The following UBR2 variants were observed in gnomAD, a reference collection of about 807,000 sequenced individuals.
UBR2 encodes E3 ubiquitin-protein ligase UBR2.
Under a neutral mutation model 247.9 loss-of-function variants are expected in UBR2, and 92 were observed. The observed-to-expected ratio is 0.37, with a 90% CI of 0.31 to 0.44. UBR2 has a LOEUF of 0.44. Ranked by LOEUF, UBR2 falls within the 20% of genes least tolerant of loss-of-function variation. The probability of loss-of-function intolerance (pLI) is 1.00; values close to 1 mark genes in which losing one functional copy is unlikely to be tolerated. For synonymous variants in UBR2, 672 were observed against 693.5 expected, an observed-to-expected ratio of 0.97 and a Z score of 0.49; for missense variants, 1,613 against 2,112.6, an observed-to-expected ratio of 0.76 and a Z score of 4.64.
chr6:42,661,911 C>T (rs1797836823), intron 30 of UBR2, among the ~76,000 whole-genome samples: 1 of 152,132 alleles, frequency 6.6e-6, no homozygotes, highest in Non-Finnish European at 1.5e-5. Context: ...GTGAAATGTT[C>T]AAAAGATTGG....
rs1799800000 is a variant in UBR2, at chr6:42,692,533, A to C, written c.*1360A>C. The stretch of plus-strand genomic sequence containing the variant: ...CAGAGAGTGACTGAAGACTTAGTAG[A>C]GGAATAAATTCTGAGCCTGTCTAAG... On this transcript the variant is annotated 3_prime_UTR_variant, in exon 47 of 47. Coordinates refer to ENST00000372901, the MANE Select transcript of UBR2 (RefSeq NM_001363705.2). 6.6e-6 allele frequency: 1 copy of C among 152,246 alleles called. No homozygotes were observed. Among genetic ancestry groups the C allele is most frequent in the Admixed American group, 6.5e-5 (1 of 15,290 alleles). 9.4% of individuals were successfully genotyped at this position (152,246 alleles called of 1,614,324 possible).
chr6:42,652,609 T>C lies in UBR2; in HGVS notation c.2733T>C (p.His911=). 2 of 1,613,520 alleles carry C rather than the reference T, an allele frequency of 1.2e-6. No individual in the cohort carries two copies. The highest frequency in any genetic ancestry group is 1.7e-6 in the Non-Finnish European group (2 of 1,179,890). ...MGTILQWAVE[H]NGYAWSESML... ...CAATTCTGCAATGGGCTGTGGAACATAATGGATATGCCTGGTCAGAGTCCA... is the reference window on the plus strand; with the variant it reads ...CAATTCTGCAATGGGCTGTGGAACACAATGGATATGCCTGGTCAGAGTCCA... The change falls in exon 25 of 47, where the codon CAT becomes CAC. Residue 911 remains histidine (H), a synonymous_variant. Transcript: ENST00000372901.
chr6:42,655,252 C>T (rs974942751), intron 25 of UBR2, among the ~76,000 whole-genome samples: 25 of 151,906 alleles, frequency 1.6e-4, no homozygotes, highest in Admixed American at 3.3e-4. Context: ...CCAAGGTGGG[C>T]GGATCACTTG....
At chr6:42,666,409 G>A (rs927339471) in intron 34 of UBR2, among the ~76,000 whole-genome samples, 164 bp downstream of exon 34, 1 of 152,160 alleles carries the variant, frequency 6.6e-6, no homozygotes, top group Non-Finnish European at 1.5e-5. Flanking sequence ...AGGATAGTGT[G>A]AGCCCCAGAG....
At chr6:42,644,632 G>A in intron 20 of UBR2, 96 bp downstream of exon 20, 1 of 1,006,270 alleles carries the variant, frequency 9.9e-7, no homozygotes, top group South Asian at 1.4e-5. Flanking sequence ...TTTGTTTTGA[G>A]AGGATGCTCA....
In UBR2 at chr6:42,617,474, C is replaced by T; in HGVS notation, c.1248C>T (p.Asp416=). Residue 416 remains aspartate (D), a synonymous_variant, in exon 11 of 47, where the codon GAC becomes GAT. Coordinates refer to ENST00000372901, the MANE Select transcript of UBR2 (RefSeq NM_001363705.2). ...ACGACAGAGAGTTTTCAGTCGCAGA[C>T]CTCTCGGTTCAGATATTCACGGTTC... ...DDHDREFSVA[D]LSVQIFTVPS... 6.4e-7 allele frequency: 1 copy of T among 1,553,544 alleles called. No individual in the cohort carries two copies. Among genetic ancestry groups the T allele is most frequent in the South Asian group, 1.2e-5 (1 of 84,544 alleles).
chr6:42,613,354 C>T (rs1212345647), intron 8 of UBR2, among the ~76,000 whole-genome samples: 2 of 152,132 alleles, frequency 1.3e-5, no homozygotes, highest in Non-Finnish European at 2.9e-5. Flanking sequence ...AGCATTACTA[C>T]ACAGAACTGA....
chr6:42,596,006 GAT>G (rs1378275426), intron 4 of UBR2, among the ~76,000 whole-genome samples: 5 of 150,650 alleles, frequency 3.3e-5, no homozygotes, highest in African/African-American at 1.2e-4. Context: ...GACAAATAAA[GAT>G]ATATTTGAAA....
intron 1 of UBR2, among the ~76,000 whole-genome samples, chr6:42,567,119 A>G (rs1582404311): frequency 6.6e-6 from 1 of 152,338 alleles, no homozygotes; most frequent in East Asian, 1.9e-4. Context: ...GATCACTTCC[A>G]TTTAAAAATC....
chr6:42,574,088 A>C (rs993180720), intron 2 of UBR2, 95 bp downstream of exon 2: 10 of 1,231,264 alleles, frequency 8.1e-6, no homozygotes, highest in Admixed American at 2.9e-5. Context: ...AAATTATGAA[A>C]TACCATATCT....
At position 42,686,983 on chromosome 6, in the gene UBR2, G is replaced by A. The variant is rs1176631075; in HGVS notation, c.4854-1233G>A. Among the ~76,000 whole-genome samples, 5 of 151,404 alleles carry A rather than the reference G, an allele frequency of 3.3e-5. No individual in the cohort carries two copies. The East Asian group carries it at 5.9e-4, about 18-fold the overall frequency. On this transcript the variant is annotated intron_variant, in intron 44 of 46. Transcript: ENST00000372901. ...AGACGATGGGCGGCCGGGCAGAGACGCTCCTCACTTCCTAGACGGGATGAC... is the reference window on the plus strand; with the variant it reads ...AGACGATGGGCGGCCGGGCAGAGACACTCCTCACTTCCTAGACGGGATGAC...
intron 25 of UBR2, among the ~76,000 whole-genome samples, chr6:42,652,982 A>G (rs1797210509): frequency 1.3e-5 from 2 of 152,208 alleles, no homozygotes; most frequent in Admixed American, 1.3e-4. Context: ...TTTTTTTTGA[A>G]TCATCCATAT....
chr6:42,594,103 A>T lies in UBR2; in HGVS notation c.418-88A>T. The T allele has an allele frequency of 1.0e-5, 10 of 975,098 alleles. 1 individual carries two copies. In the South Asian group the frequency reaches 1.6e-4, roughly 16 times the overall value. The allele number at this position is 975,098 out of a possible 1,614,324, so 60.4% of individuals were successfully genotyped here. The stretch of plus-strand genomic sequence containing the variant: ...AGAAATTAAACACTTAAGCAATGGT[A>T]TTTCCTTAGCACTTGATATTCTTAT... On this transcript the variant is annotated intron_variant, in intron 3 of 46. Coordinates refer to ENST00000372901, the MANE Select transcript of UBR2 (RefSeq NM_001363705.2).
intron 7 of UBR2, among the ~76,000 whole-genome samples, chr6:42,611,244 C>T (rs561017624): frequency 6.6e-5 from 10 of 150,842 alleles, no homozygotes; most frequent in East Asian, 2.0e-4. Context: ...GGGGGGATCA[C>T]GAGATCAAGA....
chr6:42,674,342 G>T (rs1798600144), intron 38 of UBR2, 149 bp downstream of exon 38: 1 of 713,232 alleles, frequency 1.4e-6, no homozygotes, highest in African/African-American at 1.8e-5. Context: ...ACCTCAAAAA[G>T]AAAATATTTA....
intron 18 of UBR2, among the ~76,000 whole-genome samples, chr6:42,643,716 A>G (rs1254301604): frequency 6.6e-6 from 1 of 152,244 alleles, no homozygotes; most frequent in East Asian, 1.9e-4. Context: ...ATTGAAACTA[A>G]TATTTAAAAG....
At chr6:42,576,596 C>T (rs1174668302) in intron 2 of UBR2, among the ~76,000 whole-genome samples, 1 of 132,452 alleles carries the variant, frequency 7.5e-6, no homozygotes, top group Non-Finnish European at 1.5e-5. Flanking sequence ...GTGGCATAAT[C>T]TCGGCTCACT....
At chr6:42,657,998 T>C (rs1797537032) in intron 26 of UBR2, 26 bp from the exon 27 acceptor site, 2 of 1,540,442 alleles carry the variant, frequency 1.3e-6, no homozygotes, top group Non-Finnish European at 1.8e-6. Flanking sequence ...GCTATTGTTA[T>C]TGTGCCTTTT....
At chr6:42,622,405 G>GTTT (rs112798050) in intron 11 of UBR2, among the ~76,000 whole-genome samples, 2 of 138,792 alleles carry the variant, frequency 1.4e-5, no homozygotes, top group Non-Finnish European at 3.1e-5. Flanking sequence ...TTTTTGGTGG[G>GTTT]TTTTTTTTTT....
Sources: gnomAD v4.1 joint callset for allele counts (sites outside exome capture counted in the v4.1 genomes callset) on GRCh38, gnomAD v4.1.1 for gene constraint, MANE v1.5 for transcripts, NCBI Gene and HGNC (gene_info 2026-07-23, HGNC 2026-07-21) for gene names.